IFRD1: variants seen among roughly 807,000 people sequenced by gnomAD.
The protein encoded by IFRD1 is interferon-related developmental regulator 1.
IFRD1 carries 35 observed loss-of-function variants against 52.9 expected under a neutral mutation model. That is an observed-to-expected ratio of 0.66 (90% confidence interval 0.51 to 0.88). IFRD1 has a LOEUF of 0.88. Among genes scored for constraint, IFRD1 ranks in the 40% least tolerant of loss-of-function variants. The pLI, the probability that IFRD1 is intolerant of heterozygous loss-of-function variation, is 0.00. For missense variants in IFRD1, 517 were observed against 550.8 expected, an observed-to-expected ratio of 0.94 and a Z score of 0.61; for synonymous variants, 184 against 188.4, an observed-to-expected ratio of 0.98 and a Z score of 0.19.
At chr7:112,465,831 T>A (rs1795594004) in intron 8 of IFRD1, among the ~76,000 whole-genome samples, 1 of 152,194 alleles carries the variant, frequency 6.6e-6, no homozygotes, top group South Asian at 2.1e-4. Context: ...CAGATTTTTT[T>A]TAAAAAGGTG....
Position 112,458,480 on chromosome 7 carries a change from G to C in IFRD1, c.410-381G>C. ...AAATGCTTAGGAGATTAATTCAAGG[G>C]CAATTTGAGCACTGTTTATATGAGT... On this transcript the variant is annotated intron_variant, in intron 4 of 11. Transcript: ENST00000403825. 7.2e-6 allele frequency: 2 copies of C among 278,400 alleles called. 1 individual carries two copies. Among genetic ancestry groups the C allele is most frequent in the South Asian group, 7.6e-5 (2 of 26,184 alleles). The allele number at this position is 278,400 out of a possible 1,614,324, so 17.2% of individuals were successfully genotyped here.
upstream of IFRD1, among the ~76,000 whole-genome samples, chr7:112,448,631 C>T (rs536458586): frequency 5.9e-5 from 9 of 152,362 alleles, no homozygotes; most frequent in South Asian, 1.9e-3. Flanking sequence ...GTGCAGTTTA[C>T]TGGCTGCTTC....
At chr7:112,460,533 C>T (rs557421003) in intron 5 of IFRD1, among the ~76,000 whole-genome samples, 14 of 152,128 alleles carry the variant, frequency 9.2e-5, no homozygotes, top group Admixed American at 1.3e-4. Flanking sequence ...TGTGAGCCAC[C>T]GCACCCAGCC....
At chr7:112,457,202 G>A in intron 4 of IFRD1, 164 bp downstream of exon 4, 1 of 730,698 alleles carries the variant, frequency 1.4e-6, no homozygotes, top group South Asian at 1.6e-5. Flanking sequence ...AGACTTGTTA[G>A]AACTTTGTTT....
chr7:112,453,979 T>C (rs1045228730), intron 1 of IFRD1, among the ~76,000 whole-genome samples: 2 of 152,020 alleles, frequency 1.3e-5, no homozygotes, highest in African/African-American at 4.8e-5. Context: ...TGAAAGGGAA[T>C]TAGGTTCAGA....
At position 112,456,916 on chromosome 7, in the gene IFRD1, C is replaced by G. The variant is rs550593403; in HGVS notation, c.287C>G (p.Ala96Gly). 6.2e-7 allele frequency: 1 copy of G among 1,613,212 alleles called. No individual in the cohort carries two copies. The highest frequency in any genetic ancestry group is 1.1e-5 in the South Asian group (1 of 91,064). The change falls in exon 4 of 12, where the codon GCG becomes GGG. Residue 96 changes from alanine (A) to glycine (G), a missense_variant and splice_region_variant. By Grantham distance (60) the Ala-to-Gly change is moderately conservative (BLOSUM62 0). Coordinates refer to ENST00000403825, the MANE Select transcript of IFRD1 (RefSeq NM_001550.4). ...GLIDLTLDKS[A>G]KTRQAALEGI... ...CTCTTACATTGGGTGTTAAATAGTG[C>G]GAAGACAAGGCAAGCAGCTCTTGAA...
intron 9 of IFRD1, among the ~76,000 whole-genome samples, chr7:112,468,621 C>T (rs549294905): frequency 6.6e-6 from 1 of 152,270 alleles, no homozygotes; most frequent in East Asian, 1.9e-4. Context: ...GCCTCAGCCT[C>T]CTGAGTAGCT....
intron 3 of IFRD1, 35 bp downstream of exon 3, chr7:112,456,121 C>G: frequency 8.7e-7 from 1 of 1,155,278 alleles, no homozygotes; most frequent in African/African-American, 1.5e-5. Context: ...CTGTGTGAGT[C>G]TATGCTTGAT....
chr7:112,430,222 G>T (rs1048988516), intron 1 of IFRD1, among the ~76,000 whole-genome samples: 1 of 152,320 alleles, frequency 6.6e-6, no homozygotes, highest in East Asian at 1.9e-4. Context: ...GGATTTGGGA[G>T]CCCAATTCTT....
At chr7:112,448,126 T>TAAAA (rs33983901), upstream of IFRD1, among the ~76,000 whole-genome samples, 68 of 132,948 alleles carry the variant, frequency 5.1e-4, no homozygotes, top group East Asian at 2.6e-3. Context: ...CCTGTAGATT[T>TAAAA]AAAAAAAAAA....
chr7:112,455,110 C>T (rs139650537), intron 1 of IFRD1, among the ~76,000 whole-genome samples: 9,236 of 151,472 alleles, frequency 0.061, 305 homozygotes, highest in South Asian at 0.096. Flanking sequence ...GTGATCTGTC[C>T]GCCTCAGCCT....
In IFRD1 at chr7:112,473,625, A is replaced by G. The variant is rs190006425; in HGVS notation, c.1266+764A>G. Among the ~76,000 whole-genome samples the G allele has an allele frequency of 7.2e-3, 1,095 of 152,128 alleles. 7 individuals are homozygous for G. Among genetic ancestry groups the G allele is most frequent in the South Asian group, 0.018 (87 of 4,822 alleles). Reference sequence around the variant, plus strand: ...TTTTTAGTAGAGACAGGGTTTTGCCATGTTGGCCAGGCTAGTCTCGAACTC... The same window carrying G: ...TTTTTAGTAGAGACAGGGTTTTGCCGTGTTGGCCAGGCTAGTCTCGAACTC... On this transcript the variant is annotated intron_variant, in intron 11 of 11. Coordinates refer to ENST00000403825, the MANE Select transcript of IFRD1 (RefSeq NM_001550.4).
chr7:112,463,891 CA>C (rs1390582451), intron 8 of IFRD1, among the ~76,000 whole-genome samples: 72 of 12,996 alleles, frequency 5.5e-3, no homozygotes, highest in African/African-American at 0.019. Flanking sequence ...CACACACACA[CA>C]CACCCCACGT....
At chr7:112,444,491 A>G (rs1222832849) in intron 1 of IFRD1, among the ~76,000 whole-genome samples, 2 of 152,140 alleles carry the variant, frequency 1.3e-5, no homozygotes, top group African/African-American at 4.8e-5. Context: ...ATATTAAGAA[A>G]ACAATGCAAT....
At chr7:112,455,681 A>T in intron 1 of IFRD1, 82 bp from the exon 2 acceptor site, 1 of 896,638 alleles carries the variant, frequency 1.1e-6, no homozygotes, top group Non-Finnish European at 1.8e-6. Context: ...ATTTCTCTTT[A>T]AGTAAACTTA....
At chr7:112,436,686 A>G (rs771523321) in intron 1 of IFRD1, among the ~76,000 whole-genome samples, 1 of 152,206 alleles carries the variant, frequency 6.6e-6, no homozygotes, top group Non-Finnish European at 1.5e-5. Context: ...GAGGGTGGCC[A>G]TGAAATCAGG....
intron 1 of IFRD1, chr7:112,451,008 G>A (rs1383871902): frequency 1.2e-5 from 7 of 574,536 alleles, no homozygotes; most frequent in Non-Finnish European, 2.2e-5. Flanking sequence ...GGCCGTGGGG[G>A]CAGGGAGGAA....
chr7:112,473,656 C>G (rs1260823211), intron 11 of IFRD1, among the ~76,000 whole-genome samples: 1 of 152,150 alleles, frequency 6.6e-6, no homozygotes, highest in South Asian at 2.1e-4. Context: ...AACTCCTGAC[C>G]TCAGGTGATC....
intron 1 of IFRD1, among the ~76,000 whole-genome samples, chr7:112,432,594 T>C (rs762512296): frequency 3.3e-5 from 5 of 152,198 alleles, no homozygotes; most frequent in Non-Finnish European, 5.9e-5. Context: ...ATCCCCATTT[T>C]ACAAATGAGG....
Sources: gnomAD v4.1 joint callset for allele counts (sites outside exome capture counted in the v4.1 genomes callset) on GRCh38, gnomAD v4.1.1 for gene constraint, MANE v1.5 for transcripts, NCBI Gene and HGNC (gene_info 2026-07-23, HGNC 2026-07-21) for gene names.